Variants in MARCHF1 observed in about 807,000 individuals in gnomAD.
The protein encoded by MARCHF1 is E3 ubiquitin-protein ligase MARCHF1.
Under a neutral mutation model 54.2 loss-of-function variants are expected in MARCHF1, and 40 were observed. The observed-to-expected ratio is 0.74, with a 90% confidence interval of 0.57 to 0.96. The LOEUF (loss-of-function observed/expected upper bound fraction) is 0.96. MARCHF1 is among the 40% of genes least tolerant of loss of function. MARCHF1 has a pLI of 0.00. For synonymous variants in MARCHF1, 236 were observed against 236.3 expected (o/e 1.00, Z 0.01); for missense variants, 586 against 656.5 (o/e 0.89, Z 1.17).
At chr4:163,637,957 T>C (rs1218956022) in intron 5 of MARCHF1, among the ~76,000 whole-genome samples, 3 of 149,930 alleles carry the variant, frequency 2.0e-5, no homozygotes, top group East Asian at 2.0e-4. Flanking sequence ...ATGGATGAAA[T>C]TGGAAATCAT....
At chr4:164,142,564 T>G (rs975147625) in intron 1 of MARCHF1, among the ~76,000 whole-genome samples, 6 of 152,146 alleles carry the variant, frequency 3.9e-5, no homozygotes, top group African/African-American at 1.4e-4. Flanking sequence ...AGGGGCACAC[T>G]GACACCTCAC....
chr4:164,203,854 G>C lies in MARCHF1; in HGVS notation c.-322-92192C>G, dbSNP rs185957609. ...TAAAAGAAACAAAAAAGCTGAGACT[G>C]AACTAAAAATGGGAAGTAACTGGGT... On this transcript the variant is annotated intron_variant, in intron 1 of 9. Transcript: ENST00000514618. 5.0e-3 allele frequency among the ~76,000 whole-genome samples: 768 copies of C among 152,206 alleles called. 10 individuals are homozygous for C. Among genetic ancestry groups the C allele is most frequent in the African/African-American group, 0.017 (723 of 41,552 alleles).
intron 4 of MARCHF1, chr4:163,829,081 G>A (rs1165903009): frequency 6.6e-6 from 1 of 152,206 alleles, no homozygotes; most frequent in Non-Finnish European, 1.5e-5. Context: ...TCAGGGGGAT[G>A]ATGAATATCA....
In MARCHF1 at chr4:164,351,191, G is replaced by A. The variant is rs1256559175; in HGVS notation, c.-323+32679C>T. Reference sequence around the variant, plus strand: ...GCGGCAGCGAGGCTGGGGTAGGGGCGCCCGCCATTGCCCAGGCTTGCTTAG... The same window carrying A: ...GCGGCAGCGAGGCTGGGGTAGGGGCACCCGCCATTGCCCAGGCTTGCTTAG... On this transcript the variant is annotated intron_variant, in intron 1 of 9. Transcript: ENST00000514618. Among the ~76,000 whole-genome samples, 4 of 151,148 alleles carry A rather than the reference G, an allele frequency of 2.6e-5. No individual in the cohort carries two copies. In the East Asian group the frequency reaches 5.9e-4, roughly 22 times the overall value.
chr4:163,721,753 G>T (rs145897325), intron 4 of MARCHF1, among the ~76,000 whole-genome samples: 2,277 of 152,056 alleles, frequency 0.015, 69 homozygotes, highest in African/African-American at 0.053. Flanking sequence ...CTGGTTTAGT[G>T]TTGGGAGGGT....
At chr4:163,960,264 A>G (rs991553705) in intron 3 of MARCHF1, among the ~76,000 whole-genome samples, 3 of 152,050 alleles carry the variant, frequency 2.0e-5, no homozygotes, top group African/African-American at 7.2e-5. Context: ...TCAAAGAGCT[A>G]AAAGCAGAAC....
At chr4:163,927,227 C>T (rs994869100) in intron 3 of MARCHF1, among the ~76,000 whole-genome samples, 18 of 151,802 alleles carry the variant, frequency 1.2e-4, no homozygotes, top group African/African-American at 4.1e-4. Context: ...TATGTCATTC[C>T]TACTACTAGT....
intron 2 of MARCHF1, among the ~76,000 whole-genome samples, chr4:164,097,848 T>G (rs560785483): frequency 3.2e-4 from 48 of 152,332 alleles, no homozygotes; most frequent in African/African-American, 1.2e-3. Context: ...CCCTTTTATT[T>G]GGAAGGCTAG....
intron 1 of MARCHF1, among the ~76,000 whole-genome samples, chr4:164,176,030 A>G (rs1399984534): frequency 6.6e-6 from 1 of 152,220 alleles, no homozygotes; most frequent in Admixed American, 6.5e-5. Flanking sequence ...TTGCTGGAAT[A>G]TGGGGATAAA....
At chr4:163,804,740 G>A (rs902947229) in intron 4 of MARCHF1, among the ~76,000 whole-genome samples, 3 of 152,080 alleles carry the variant, frequency 2.0e-5, no homozygotes, top group Admixed American at 6.6e-5. Context: ...TTATGCAAAT[G>A]CCTACTAGTG....
At chr4:163,566,366 A>G (rs1739645810) in intron 8 of MARCHF1, among the ~76,000 whole-genome samples, 1 of 152,212 alleles carries the variant, frequency 6.6e-6, no homozygotes, top group Non-Finnish European at 1.5e-5. Context: ...AGGGACACAT[A>G]TTAGGAGCAA....
intron 4 of MARCHF1, among the ~76,000 whole-genome samples, chr4:163,726,260 T>C (rs936313856): frequency 6.6e-6 from 1 of 152,194 alleles, no homozygotes; most frequent in African/African-American, 2.4e-5. Flanking sequence ...AAATCTTCTG[T>C]GCTCTGCCTA....
At chr4:163,732,130 A>G (rs909651379) in intron 4 of MARCHF1, among the ~76,000 whole-genome samples, 2 of 151,860 alleles carry the variant, frequency 1.3e-5, no homozygotes, top group African/African-American at 4.8e-5. Context: ...TAAATGACAC[A>G]GATAATAGAA....
At position 164,021,085 on chromosome 4, in the gene MARCHF1, T is replaced by C. The variant is rs1186302982; in HGVS notation, c.-247-32376A>G. On this transcript the variant is annotated intron_variant, in intron 2 of 9. Transcript: ENST00000514618. ...CTCCAATCCATTTCTGTCCCTTTTT[T>C]TTTTTTTTTTTTCCCTGTAGTGAAC... Among the ~76,000 whole-genome samples the C allele has an allele frequency of 2.9e-4, 14 of 48,342 alleles. 1 individual carries two copies. In the South Asian group the frequency reaches 7.1e-3, roughly 24 times the overall value. The allele number at this position is 48,342 out of a possible 152,430, so 31.7% of individuals were successfully genotyped here.
chr4:163,833,561 A>G (rs1749091554), intron 4 of MARCHF1, among the ~76,000 whole-genome samples: 1 of 152,188 alleles, frequency 6.6e-6, no homozygotes, highest in Non-Finnish European at 1.5e-5. Context: ...GGTGAAGGAT[A>G]TGAACAGACA....
intron 2 of MARCHF1, among the ~76,000 whole-genome samples, chr4:163,991,940 G>C (rs1032964075): frequency 4.0e-5 from 6 of 151,766 alleles, no homozygotes; most frequent in Non-Finnish European, 8.8e-5. Flanking sequence ...TTTCCCCCAA[G>C]AGATTCTGAT....
At chr4:163,821,766 A>T (rs772902816) in intron 4 of MARCHF1, among the ~76,000 whole-genome samples, 20 of 147,486 alleles carry the variant, frequency 1.4e-4, no homozygotes, top group Non-Finnish European at 2.4e-4. Flanking sequence ...AATCTCTTAC[A>T]TATTGGCAAC....
intron 4 of MARCHF1, among the ~76,000 whole-genome samples, chr4:163,758,174 C>T (rs933098115): frequency 6.6e-6 from 1 of 152,090 alleles, no homozygotes; most frequent in African/African-American, 2.4e-5. Flanking sequence ...ATTTCCTGGG[C>T]CAGTCACTTG....
intron 2 of MARCHF1, among the ~76,000 whole-genome samples, chr4:164,030,106 T>C (rs963455026): frequency 1.3e-5 from 2 of 152,196 alleles, no homozygotes; most frequent in African/African-American, 2.4e-5. Context: ...TTAATGTTTC[T>C]TCTATTTATA....
Sources: gnomAD v4.1 joint callset for allele counts (sites outside exome capture counted in the v4.1 genomes callset) on GRCh38, gnomAD v4.1.1 for gene constraint, MANE v1.5 for transcripts, NCBI Gene and HGNC (gene_info 2026-07-23, HGNC 2026-07-21) for gene names.